Variants in CYP4X1 observed in about 807,000 individuals in gnomAD.
The protein encoded by CYP4X1 is cytochrome P450 4X1.
CYP4X1 carries 44 observed loss-of-function variants against 57.9 expected under a neutral mutation model. That is an observed-to-expected ratio of 0.76 (90% CI 0.60 to 0.98). CYP4X1 has a LOEUF of 0.98. CYP4X1 is among the 50% of genes least tolerant of loss of function. The probability of loss-of-function intolerance (pLI) is 0.00; values close to 1 mark genes in which losing one functional copy is unlikely to be tolerated. For synonymous variants in CYP4X1, 227 were observed against 228.6 expected, an observed-to-expected ratio of 0.99 and a Z score of 0.06; for missense variants, 532 against 623.9, an observed-to-expected ratio of 0.85 and a Z score of 1.57.
At chr1:47,007,933 G>A in the CYP4X1 span, among the ~76,000 whole-genome samples, 9 of 152,194 alleles carry the variant, frequency 5.9e-5, no homozygotes, top group Non-Finnish European at 8.8e-5. Context: ...TGAAAAGACT[G>A]AATCTATGTA....
At chr1:47,053,673 GA>G (rs1267246414), downstream of CYP4X1, among the ~76,000 whole-genome samples, 1 of 152,218 alleles carries the variant, frequency 6.6e-6, no homozygotes, top group Non-Finnish European at 1.5e-5. Flanking sequence ...GGCCAGTGAT[GA>G]TGAGCATTTT....
intron 8 of CYP4X1, among the ~76,000 whole-genome samples, chr1:47,043,527 G>C (rs1055042299): frequency 6.6e-6 from 1 of 151,862 alleles, no homozygotes; most frequent in African/African-American, 2.4e-5. Context: ...GCTTGGTTTT[G>C]CATCTGCTTT....
chr1:47,036,048 G>T lies in CYP4X1; in HGVS notation c.652G>T (p.Glu218Ter). Reference protein sequence around the residue: ...THDPYAKAIFELSKIIFHRLY... With the variant: ...THDPYAKAIF Reference sequence around the variant, plus strand: ...TGATCCTTATGCAAAAGCCATATTTGAACTCAGCAAAATCATATTTCACCG... The same window carrying T: ...TGATCCTTATGCAAAAGCCATATTTTAACTCAGCAAAATCATATTTCACCG... The change falls in exon 6 of 12, where the codon GAA becomes TAA. Residue 218 changes from glutamate (E) to a stop codon, truncating the protein, a stop_gained. Coordinates refer to ENST00000371901, the MANE Select transcript of CYP4X1 (RefSeq NM_178033.2). LOFTEE classifies it high-confidence loss of function. 1 of 1,613,468 alleles carries T rather than the reference G, an allele frequency of 6.2e-7. No homozygotes were observed. The highest frequency in any genetic ancestry group is 8.5e-7 in the Non-Finnish European group (1 of 1,179,612).
At chr1:47,008,322 T>C in the CYP4X1 span, among the ~76,000 whole-genome samples, 2 of 152,174 alleles carry the variant, frequency 1.3e-5, no homozygotes, top group African/African-American at 4.8e-5. Context: ...CCAGCCAAAC[T>C]AAACTTCATA....
chr1:46,995,428 A>T, the CYP4X1 span, among the ~76,000 whole-genome samples: 1 of 152,200 alleles, frequency 6.6e-6, no homozygotes, highest in Admixed American at 6.5e-5. Flanking sequence ...AACCGGGTAG[A>T]GAGTCCTAGG....
chr1:47,011,856 G>A, the CYP4X1 span, among the ~76,000 whole-genome samples: 2 of 152,198 alleles, frequency 1.3e-5, no homozygotes, highest in Non-Finnish European at 2.9e-5. Flanking sequence ...AAACCACAAT[G>A]AGATACCATC....
the CYP4X1 span, among the ~76,000 whole-genome samples, chr1:47,005,748 C>T: frequency 6.6e-5 from 10 of 152,158 alleles, no homozygotes; most frequent in African/African-American, 2.4e-4. Flanking sequence ...GAAATGCCTT[C>T]AGAATTGTCA....
rs1644027026 is a variant in CYP4X1 at position 47,023,825 on chromosome 1, TCTC to T, written c.11_13del (p.Ser4del). The T allele has an allele frequency of 5.0e-6, 8 of 1,612,750 alleles. No individual in the cohort carries two copies. Among genetic ancestry groups the T allele is most frequent in the Non-Finnish European group, 5.9e-6 (7 of 1,179,850 alleles). ...TCGGCGCTGCGCAGAGCCATGGAAT[TCTC>T]CTGGCTGGAGACGCGCTGGGCGCGG... On this transcript the variant is annotated inframe_deletion, in exon 1 of 12. Transcript: ENST00000371901.
the CYP4X1 span, among the ~76,000 whole-genome samples, chr1:47,009,311 C>G: frequency 6.7e-6 from 1 of 150,190 alleles, no homozygotes; most frequent in Non-Finnish European, 1.5e-5. Flanking sequence ...TGAATGACTA[C>G]CTGGTACATA....
Position 47,036,077 on chromosome 1 carries a change from G to A in CYP4X1, c.681G>A (p.Leu227=). The A allele has an allele frequency of 6.2e-7, 1 of 1,613,784 alleles. No individual in the cohort carries two copies. Among genetic ancestry groups the A allele is most frequent in the Admixed American group, 1.7e-5 (1 of 59,978 alleles). The change falls in exon 6 of 12, where the codon TTG becomes TTA. Residue 227 remains leucine, a synonymous_variant. Coordinates refer to ENST00000371901, the MANE Select transcript of CYP4X1 (RefSeq NM_178033.2). ...TCAGCAAAATCATATTTCACCGCTT[G>A]TACAGTTTGTTGTATCACAGTGACA... ...FELSKIIFHR[L]YSLLYHSDII... is the part of the protein sequence containing the mutation.
At chr1:47,010,456 A>G in the CYP4X1 span, among the ~76,000 whole-genome samples, 2 of 152,248 alleles carry the variant, frequency 1.3e-5, no homozygotes, top group Non-Finnish European at 2.9e-5. Flanking sequence ...CCAATATCAT[A>G]CTGAATGGGC....
chr1:46,983,639 AAC>A, the CYP4X1 span, among the ~76,000 whole-genome samples: 1 of 152,138 alleles, frequency 6.6e-6, no homozygotes, highest in Non-Finnish European at 1.5e-5. Flanking sequence ...GTGCATGGAA[AAC>A]AGTCTGGGCA....
At chr1:47,012,246 A>G in the CYP4X1 span, among the ~76,000 whole-genome samples, 1 of 152,232 alleles carries the variant, frequency 6.6e-6, no homozygotes, top group Non-Finnish European at 1.5e-5. Context: ...AGATGAGTTC[A>G]TGTCCTTTGT....
chr1:47,026,192 A>G (rs915382807), intron 1 of CYP4X1, among the ~76,000 whole-genome samples: 2 of 152,216 alleles, frequency 1.3e-5, no homozygotes, highest in Non-Finnish European at 2.9e-5. Context: ...CAGGGTGGCT[A>G]TAGTCAATAA....
chr1:47,039,710 G>GA (rs3073870), intron 8 of CYP4X1, 178 bp downstream of exon 8: 9,047 of 352,266 alleles, frequency 0.026, 1 homozygote, highest in Middle Eastern at 0.04. Context: ...TGTCTTTCAG[G>GA]AAAAAAAAAA....
At chr1:47,055,274 T>G (rs991111577), downstream of CYP4X1, among the ~76,000 whole-genome samples, 5 of 152,238 alleles carry the variant, frequency 3.3e-5, no homozygotes, top group African/African-American at 1.2e-4. Flanking sequence ...GAAGCCCACT[T>G]GATCATGGTG....
chr1:47,004,011 C>T, the CYP4X1 span, among the ~76,000 whole-genome samples: 1 of 152,178 alleles, frequency 6.6e-6, no homozygotes, highest in Non-Finnish European at 1.5e-5. Context: ...CTTCCTAGAA[C>T]TAAATCAAAT....
chr1:46,990,961 A>C, the CYP4X1 span, among the ~76,000 whole-genome samples: 10 of 151,964 alleles, frequency 6.6e-5, no homozygotes, highest in South Asian at 2.1e-3. Flanking sequence ...TGATGGGTTG[A>C]TGGGTGCAGC....
the CYP4X1 span, among the ~76,000 whole-genome samples, chr1:47,009,639 A>T: frequency 6.6e-6 from 1 of 152,212 alleles, no homozygotes; most frequent in South Asian, 2.1e-4. Context: ...TTTTGAAAAG[A>T]TCAACAAAAT....
Sources: gnomAD v4.1 joint callset for allele counts (sites outside exome capture counted in the v4.1 genomes callset) on GRCh38, gnomAD v4.1.1 for gene constraint, MANE v1.5 for transcripts, NCBI Gene and HGNC (gene_info 2026-07-23, HGNC 2026-07-21) for gene names.